Variants in CNTNAP5 observed in about 807,000 individuals in gnomAD.
CNTNAP5 encodes contactin associated protein family member 5.
In CNTNAP5, 72 loss-of-function variants were observed where a neutral mutation model predicts 150.2. That is an observed-to-expected ratio of 0.48 (90% CI 0.40 to 0.58). The LOEUF is 0.58. CNTNAP5 is among the 20% of genes least tolerant of loss of function. CNTNAP5 has a pLI of 0.00. For missense variants in CNTNAP5, 1,636 were observed against 1,626.2 expected, an observed-to-expected ratio of 1.01 and a Z score of -0.10; for synonymous variants, 672 against 619.8, an observed-to-expected ratio of 1.08 and a Z score of -1.25.
At chr2:124,725,008 C>G (rs1235309115) in intron 13 of CNTNAP5, among the ~76,000 whole-genome samples, 2 of 141,782 alleles carry the variant, frequency 1.4e-5, no homozygotes, top group Non-Finnish European at 3.0e-5. Flanking sequence ...AACGTACTGA[C>G]TTTTTGGAGG....
At chr2:124,501,809 G>A (rs1291805981) in intron 7 of CNTNAP5, among the ~76,000 whole-genome samples, 1 of 152,182 alleles carries the variant, frequency 6.6e-6, no homozygotes, top group African/African-American at 2.4e-5. Flanking sequence ...CAACACTCAC[G>A]TGAGCCCAGA....
intron 6 of CNTNAP5, 58 bp from the exon 7 acceptor site, chr2:124,474,681 C>T: frequency 1.4e-6 from 2 of 1,433,760 alleles, no homozygotes; most frequent in Non-Finnish European, 1.8e-6. Flanking sequence ...GTTTACTTTC[C>T]TTTCCTAATC....
Position 124,291,225 on chromosome 2 carries a change from C to T in CNTNAP5, c.381+48832C>T, listed in dbSNP as rs534030752. Among the ~76,000 whole-genome samples, 155 of 152,138 alleles carry T rather than the reference C, an allele frequency of 1.0e-3. 1 individual carries two copies. The highest frequency in any genetic ancestry group is 7.3e-3 in the South Asian group (35 of 4,826). ...GCAGAGATATCTCCACAGATAGATTCTATCACTGCTACCTACAACCATTTT... is the reference window on the plus strand; with the variant it reads ...GCAGAGATATCTCCACAGATAGATTTTATCACTGCTACCTACAACCATTTT... On this transcript the variant is annotated intron_variant, in intron 3 of 23. Transcript: ENST00000682447.
intron 5 of CNTNAP5, among the ~76,000 whole-genome samples, chr2:124,437,538 C>T (rs116179841): frequency 0.021 from 3,184 of 151,752 alleles, 42 homozygotes; most frequent in Non-Finnish European, 0.026. Context: ...TTTAGAAAAC[C>T]GGAAAATAAT....
intron 1 of CNTNAP5, among the ~76,000 whole-genome samples, chr2:124,039,491 A>C (rs1324761053): frequency 6.6e-6 from 1 of 152,154 alleles, no homozygotes; most frequent in Admixed American, 6.5e-5. Context: ...CTGTGAAATA[A>C]ATGGACCTTT....
At chr2:124,757,063 T>G (rs780421544) in intron 14 of CNTNAP5, among the ~76,000 whole-genome samples, 1 of 151,942 alleles carries the variant, frequency 6.6e-6, no homozygotes, top group Non-Finnish European at 1.5e-5. Flanking sequence ...TCGAGTGGAG[T>G]AAGGAAATAG....
chr2:124,904,809 G>T (rs1276433244), intron 22 of CNTNAP5, among the ~76,000 whole-genome samples: 2 of 151,708 alleles, frequency 1.3e-5, no homozygotes, highest in African/African-American at 4.8e-5. Flanking sequence ...CTTAATATTG[G>T]TCTTGAAAAT....
intron 1 of CNTNAP5, among the ~76,000 whole-genome samples, chr2:124,122,585 T>C (rs1373602034): frequency 1.3e-5 from 2 of 152,124 alleles, no homozygotes; most frequent in Admixed American, 6.6e-5. Flanking sequence ...TTCCACACTT[T>C]ACAATTTCTA....
chr2:124,630,061 T>C (rs551324625), intron 12 of CNTNAP5, among the ~76,000 whole-genome samples: 10 of 151,308 alleles, frequency 6.6e-5, no homozygotes, highest in Admixed American at 6.6e-4. Context: ...AGTTCTGAAA[T>C]TGAGGCAGCA....
chr2:124,327,877 G>T lies in CNTNAP5; in HGVS notation c.381+85484G>T, dbSNP rs902847741. Among the ~76,000 whole-genome samples the T allele has an allele frequency of 2.6e-5, 4 of 152,186 alleles. No individual in the cohort carries two copies. In the East Asian group the frequency reaches 7.7e-4, roughly 29 times the overall value. ...CAGGAACTCTTCAGACTGTGTTAAG[G>T]ACCTATCCTTAACCTTGGCAAAATA... On this transcript the variant is annotated intron_variant, in intron 3 of 23. Coordinates refer to ENST00000682447, the MANE Select transcript of CNTNAP5 (RefSeq NM_001367498.1).
chr2:124,040,619 C>CTG (rs1463056097), intron 1 of CNTNAP5, among the ~76,000 whole-genome samples: 1 of 59,028 alleles, frequency 1.7e-5, no homozygotes, highest in Non-Finnish European at 3.7e-5. Flanking sequence ...CTCTGTATGC[C>CTG]TCTGTGTGTG....
chr2:124,108,739 G>A (rs1057020493), intron 1 of CNTNAP5, among the ~76,000 whole-genome samples: 4 of 152,094 alleles, frequency 2.6e-5, no homozygotes, highest in Admixed American at 1.3e-4. Flanking sequence ...CCACCCACTG[G>A]TTTGTAGAAA....
At chr2:124,692,837 G>A (rs1679326740) in intron 13 of CNTNAP5, among the ~76,000 whole-genome samples, 1 of 152,068 alleles carries the variant, frequency 6.6e-6, no homozygotes, top group African/African-American at 2.4e-5. Context: ...CTGTTGAAAG[G>A]CCAGGAGAAT....
chr2:124,843,073 G>C (rs1238291280), intron 19 of CNTNAP5, among the ~76,000 whole-genome samples: 1 of 151,894 alleles, frequency 6.6e-6, no homozygotes, highest in Non-Finnish European at 1.5e-5. Flanking sequence ...CCTTTCCTGA[G>C]TCCCCAAAGT....
chr2:124,767,659 C>T (rs559149127), intron 16 of CNTNAP5, among the ~76,000 whole-genome samples: 1 of 152,250 alleles, frequency 6.6e-6, no homozygotes, highest in East Asian at 1.9e-4. Flanking sequence ...ATCCATATGC[C>T]ACCCAGATGC....
chr2:124,244,859 G>C (rs1686978501), intron 3 of CNTNAP5, among the ~76,000 whole-genome samples: 1 of 152,056 alleles, frequency 6.6e-6, no homozygotes, highest in South Asian at 2.1e-4. Context: ...CTATAAACTG[G>C]TGATTCAATG....
chr2:124,029,413 GT>G (rs1680984136), intron 1 of CNTNAP5, among the ~76,000 whole-genome samples: 1 of 151,926 alleles, frequency 6.6e-6, no homozygotes, highest in Non-Finnish European at 1.5e-5. Flanking sequence ...TTTTCCTTTT[GT>G]TGAATTGGCT....
chr2:124,383,228 T>A (rs1690845591), intron 3 of CNTNAP5, among the ~76,000 whole-genome samples: 1 of 152,210 alleles, frequency 6.6e-6, no homozygotes, highest in African/African-American at 2.4e-5. Flanking sequence ...CAGCTTTCCC[T>A]GGAGCTTACA....
At chr2:124,303,089 A>T (rs1194562343) in intron 3 of CNTNAP5, among the ~76,000 whole-genome samples, 1 of 151,998 alleles carries the variant, frequency 6.6e-6, no homozygotes, top group South Asian at 2.1e-4. Context: ...CCCCCCTTAA[A>T]TTGTGTTTTC....
Sources: allele counts gnomAD v4.1 joint callset (sites outside exome capture counted in the v4.1 genomes callset), GRCh38; gene constraint gnomAD v4.1.1; transcripts MANE v1.5; gene names NCBI Gene and HGNC (gene_info 2026-07-23, HGNC 2026-07-21).